TENM2: variants seen among roughly 807,000 people sequenced by gnomAD.
TENM2 encodes the protein teneurin transmembrane protein 2.
TENM2 carries 52 observed loss-of-function variants against 245.2 expected under a neutral mutation model. The ratio of observed to expected loss-of-function variants is 0.21; its 90% CI spans 0.17 to 0.27. TENM2 has a LOEUF of 0.27. Ranked by LOEUF, TENM2 falls within the 10% of genes least tolerant of loss-of-function variation. TENM2 has a pLI of 1.00. For synonymous variants in TENM2, 1,363 were observed against 1,438.9 expected, an observed-to-expected ratio of 0.95 and a Z score of 1.19; for missense variants, 3,046 against 3,666.8, an observed-to-expected ratio of 0.83 and a Z score of 4.37.
chr5:167,852,614 C>G (rs1328424843), intron 2 of TENM2, among the ~76,000 whole-genome samples: 1 of 152,200 alleles, frequency 6.6e-6, no homozygotes, highest in Non-Finnish European at 1.5e-5. Context: ...ATGCATTGAT[C>G]TCTTTAGATC....
intron 14 of TENM2, among the ~76,000 whole-genome samples, chr5:168,193,367 C>T (rs1761120253): frequency 1.3e-5 from 2 of 152,168 alleles, no homozygotes; most frequent in African/African-American, 4.8e-5. Flanking sequence ...ACAAAAATAA[C>T]TAAAATGCCT....
intron 2 of TENM2, among the ~76,000 whole-genome samples, chr5:167,750,642 C>T (rs1239550767): frequency 6.6e-6 from 1 of 152,078 alleles, no homozygotes; most frequent in Non-Finnish European, 1.5e-5. Context: ...CCTCTGGGAG[C>T]CTTTTTGAAT....
chr5:168,186,224 T>C (rs533839560), intron 13 of TENM2: 1 of 152,152 alleles, frequency 6.6e-6, no homozygotes, highest in African/African-American at 2.4e-5. Context: ...TTTGGCTTTT[T>C]ACCTTGGGAC....
chr5:167,575,690 G>A (rs889533558), intron 2 of TENM2, among the ~76,000 whole-genome samples: 2 of 152,180 alleles, frequency 1.3e-5, no homozygotes, highest in Non-Finnish European at 2.9e-5. Flanking sequence ...AGGTTGGGGA[G>A]ACTTAATTTT....
intron 1 of TENM2, among the ~76,000 whole-genome samples, chr5:167,350,581 A>T: frequency 6.8e-6 from 1 of 146,690 alleles, no homozygotes; most frequent in Non-Finnish European, 1.5e-5. Context: ...AGATATATAT[A>T]TGGGATATAT....
the TENM2 span, among the ~76,000 whole-genome samples, chr5:167,130,320 G>T: frequency 6.6e-6 from 1 of 152,198 alleles, no homozygotes. Flanking sequence ...GAGAGTCTCA[G>T]TTTGGATGGG....
At chr5:167,401,911 T>C (rs1441872438) in intron 2 of TENM2, among the ~76,000 whole-genome samples, 5 of 152,140 alleles carry the variant, frequency 3.3e-5, no homozygotes, top group South Asian at 2.1e-4. Context: ...ACAGAACTTA[T>C]AGAGGATATA....
At chr5:167,856,973 A>C (rs1003971476) in intron 2 of TENM2, among the ~76,000 whole-genome samples, 5 of 152,230 alleles carry the variant, frequency 3.3e-5, no homozygotes, top group African/African-American at 1.2e-4. Flanking sequence ...TTCTGTGCAC[A>C]TGTACTTTGT....
At chr5:167,546,894 T>C (rs1772594787) in intron 2 of TENM2, among the ~76,000 whole-genome samples, 1 of 152,162 alleles carries the variant, frequency 6.6e-6, no homozygotes, top group South Asian at 2.1e-4. Flanking sequence ...ACCTCAATCA[T>C]TATGCTGGCC....
chr5:168,071,923 T>C (rs1791042292), intron 7 of TENM2, among the ~76,000 whole-genome samples: 1 of 152,198 alleles, frequency 6.6e-6, no homozygotes. Flanking sequence ...AGCTGAAAAC[T>C]TGTGCAAAGT....
the TENM2 span, among the ~76,000 whole-genome samples, chr5:167,021,007 G>A: frequency 2.0e-5 from 3 of 152,148 alleles, no homozygotes; most frequent in Admixed American, 1.3e-4. Flanking sequence ...AGCTGGGCAT[G>A]GTGGCAGGTG....
At position 168,167,661 on chromosome 5, in the gene TENM2, A is replaced by G. The variant is rs146545630; in HGVS notation, c.2569+4904A>G. ...TCCCCTCGTTCCGTTTCAACACAGC[A>G]CTGAAAGATGTTTTGCACCTTCTCT... On this transcript the variant is annotated intron_variant, in intron 13 of 28. Coordinates refer to ENST00000518659, the Ensembl canonical transcript of TENM2. 9.3e-3 allele frequency among the ~76,000 whole-genome samples: 1,419 copies of G among 152,258 alleles called. 26 individuals are homozygous for G. Among genetic ancestry groups the G allele is most frequent in the African/African-American group, 0.032 (1,333 of 41,544 alleles).
chr5:168,123,038 A>G (rs1374218668), intron 10 of TENM2, among the ~76,000 whole-genome samples: 1 of 152,102 alleles, frequency 6.6e-6, no homozygotes, highest in African/African-American at 2.4e-5. Flanking sequence ...GGCTCACACC[A>G]GTAATCCCAG....
intron 2 of TENM2, among the ~76,000 whole-genome samples, chr5:167,799,540 G>C (rs898028673): frequency 1.3e-5 from 2 of 152,142 alleles, no homozygotes; most frequent in Non-Finnish European, 1.5e-5. Context: ...AATAATAAAG[G>C]TACATGATAA....
chr5:168,250,148 ATGG>A (rs1766983019), intron 27 of TENM2, among the ~76,000 whole-genome samples: 1 of 149,976 alleles, frequency 6.7e-6, no homozygotes, highest in Non-Finnish European at 1.5e-5. Flanking sequence ...GGATGGATGG[ATGG>A]ATGGATGGAT....
intron 2 of TENM2, among the ~76,000 whole-genome samples, chr5:167,807,241 G>T (rs191748609): frequency 0.013 from 1,921 of 151,098 alleles, 17 homozygotes; most frequent in Non-Finnish European, 0.021. Context: ...GACTTTTTTG[G>T]GGGGTAAGGT....
intron 2 of TENM2, chr5:167,754,816 G>A (rs1285185674): frequency 1.2e-5 from 5 of 400,824 alleles, no homozygotes; most frequent in Non-Finnish European, 4.4e-6. Context: ...CTTGCGGTTG[G>A]CATTTGGCTG....
chr5:167,239,832 G>C, the TENM2 span, among the ~76,000 whole-genome samples: 2 of 152,178 alleles, frequency 1.3e-5, no homozygotes, highest in African/African-American at 4.8e-5. Context: ...GAGTGCAATG[G>C]CGTGATCTCA....
chr5:167,682,146 GTTCC>G (rs113715821), intron 2 of TENM2, among the ~76,000 whole-genome samples: 4 of 103,640 alleles, frequency 3.9e-5, no homozygotes, highest in African/African-American at 1.0e-4. Flanking sequence ...GCCTGCCTGC[GTTCC>G]TTCCTTCCTT....
Sources: allele counts gnomAD v4.1 joint callset (sites outside exome capture counted in the v4.1 genomes callset), GRCh38; gene constraint gnomAD v4.1.1; transcripts MANE v1.5; gene names NCBI Gene and HGNC (gene_info 2026-07-23, HGNC 2026-07-21).